ATP10A: variants seen among roughly 807,000 people sequenced by gnomAD.
ATP10A encodes ATPase phospholipid transporting 10A (putative).
ATP10A carries 111 observed loss-of-function variants against 147.8 expected under a neutral mutation model. The observed-to-expected ratio is 0.75, with a 90% CI of 0.64 to 0.88. The LOEUF (loss-of-function observed/expected upper bound fraction) is 0.88. Among genes scored for constraint, ATP10A ranks in the 40% least tolerant of loss-of-function variants. ATP10A has a pLI of 0.00. For missense variants in ATP10A, 1,927 were observed against 1,959.0 expected (o/e 0.98, Z 0.31); for synonymous variants, 875 against 841.6 (o/e 1.04, Z -0.69).
At chr15:25,748,666 T>C (rs1355916260) in intron 2 of ATP10A, among the ~76,000 whole-genome samples, 2 of 151,660 alleles carry the variant, frequency 1.3e-5, no homozygotes, top group East Asian at 1.9e-4. Flanking sequence ...AAAAAAAAAG[T>C]ATAATGACTA....
At chr15:25,852,805 C>T (rs1256387687) in intron 1 of ATP10A, among the ~76,000 whole-genome samples, 1 of 152,200 alleles carries the variant, frequency 6.6e-6, no homozygotes, top group Non-Finnish European at 1.5e-5. Flanking sequence ...ATCATCCCCA[C>T]TTCCCATCTC....
Position 25,716,817 on chromosome 15 carries a change from A to C in ATP10A, c.1689T>G (p.Pro563=), listed in dbSNP as rs10873607. 4 of 1,610,948 alleles carry C rather than the reference A, an allele frequency of 2.5e-6. No homozygotes were observed. The highest frequency in any genetic ancestry group is 2.7e-5 in the African/African-American group (2 of 74,846). Reference sequence around the variant, plus strand: ...AGAAATCAAAGACGTCAGACAGCTCAGGCGAGAGGTGGGCCAGCAGGTGCT... The same window carrying C: ...AGAAATCAAAGACGTCAGACAGCTCCGGCGAGAGGTGGGCCAGCAGGTGCT... ...HQEHLLAHLS[P]ELSDVFDFFI... is the part of the protein sequence containing the mutation. Residue 563 remains proline (P), a synonymous_variant, in exon 9 of 21, where the codon CCT becomes CCG. Coordinates refer to ENST00000555815, the MANE Select transcript of ATP10A (RefSeq NM_024490.4).
chr15:25,787,705 A>T (rs898695026), intron 1 of ATP10A, among the ~76,000 whole-genome samples: 5 of 152,126 alleles, frequency 3.3e-5, no homozygotes, highest in African/African-American at 1.2e-4. Flanking sequence ...CCAGTGTTTG[A>T]CACAGACATG....
chr15:25,756,148 G>T (rs1278312623), intron 2 of ATP10A, among the ~76,000 whole-genome samples: 1 of 152,108 alleles, frequency 6.6e-6, no homozygotes, highest in Non-Finnish European at 1.5e-5. Flanking sequence ...GCAAATTTAG[G>T]GTTCCTAGCT....
At chr15:25,785,373 T>A (rs1433314424) in intron 1 of ATP10A, among the ~76,000 whole-genome samples, 1 of 152,152 alleles carries the variant, frequency 6.6e-6, no homozygotes, top group Non-Finnish European at 1.5e-5. Context: ...GGGAGGGGCC[T>A]CAGGAGGACC....
At chr15:25,812,092 G>T (rs1377815515) in intron 1 of ATP10A, among the ~76,000 whole-genome samples, 2 of 152,230 alleles carry the variant, frequency 1.3e-5, no homozygotes, top group Non-Finnish European at 2.9e-5. Context: ...TAGCGGCAAA[G>T]ATGGCAGCCA....
chr15:25,680,306 G>T lies in ATP10A; in HGVS notation c.3681C>A (p.Thr1227=), dbSNP rs148416506. 11 of 1,613,484 alleles carry T rather than the reference G, an allele frequency of 6.8e-6. No individual in the cohort carries two copies. Among genetic ancestry groups the T allele is most frequent in the Admixed American group, 1.7e-5 (1 of 59,920 alleles). Residue 1227 remains threonine (T), a splice_region_variant and synonymous_variant, in exon 20 of 21, where the codon ACC becomes ACA. Transcript: ENST00000555815. Reference sequence around the variant, plus strand: ...AGCCACACGTTATCCAGTTGAGCCAGGTCTGAGGGGGAATGAGAAAGAAAG... The same window carrying T: ...AGCCACACGTTATCCAGTTGAGCCATGTCTGAGGGGGAATGAGAAAGAAAG... The part of the protein sequence containing the change: ...LHLGIETKTW[T]WLNWITCGFS...
intron 15 of ATP10A, among the ~76,000 whole-genome samples, chr15:25,690,443 A>G (rs910835598): frequency 1.3e-5 from 2 of 152,048 alleles, no homozygotes. Context: ...GTTTCACCAC[A>G]TTGCCCCGCT....
intron 17 of ATP10A, 148 bp downstream of exon 17, chr15:25,683,138 T>C: frequency 2.6e-6 from 2 of 756,514 alleles, no homozygotes; most frequent in Non-Finnish European, 4.2e-6. Flanking sequence ...GCAGCCCTTT[T>C]TCTCCATCCT....
At chr15:25,863,885 C>T (rs1893888853), upstream of ATP10A, among the ~76,000 whole-genome samples, 1 of 152,246 alleles carries the variant, frequency 6.6e-6, no homozygotes, top group Non-Finnish European at 1.5e-5. Context: ...TAGACCGTTT[C>T]CTTTCCACCA....
At chr15:25,731,173 G>A (rs143111557) in intron 3 of ATP10A, among the ~76,000 whole-genome samples, 61 of 152,328 alleles carry the variant, frequency 4.0e-4, no homozygotes, top group Admixed American at 1.8e-3. Context: ...GGCCCTATGC[G>A]GTTGTAGGAG....
intron 2 of ATP10A, among the ~76,000 whole-genome samples, chr15:25,770,155 G>A (rs1446531336): frequency 1.3e-5 from 2 of 151,048 alleles, no homozygotes; most frequent in African/African-American, 2.5e-5. Flanking sequence ...CGACCCGGGC[G>A]AGGTGGGGAG....
At chr15:25,769,799 C>T (rs1156459753) in intron 2 of ATP10A, among the ~76,000 whole-genome samples, 1 of 152,160 alleles carries the variant, frequency 6.6e-6, no homozygotes, top group African/African-American at 2.4e-5. Flanking sequence ...TCTACCTTCC[C>T]CAGATTCATG....
chr15:25,824,808 A>G (rs1345550510), intron 1 of ATP10A, among the ~76,000 whole-genome samples: 7 of 152,194 alleles, frequency 4.6e-5, no homozygotes, highest in Non-Finnish European at 2.9e-5. Flanking sequence ...TGAGCTTTGT[A>G]GCGTTTTACG....
chr15:25,680,280 A>G lies in ATP10A; in HGVS notation c.3707T>C (p.Phe1236Ser). 6.2e-7 allele frequency: 1 copy of G among 1,614,242 alleles called. No individual in the cohort carries two copies. The highest frequency in any genetic ancestry group is 8.5e-7 in the Non-Finnish European group (1 of 1,180,040). ...WTWLNWITCGFSVLLFFTVAL... is the reference protein window; with the variant it reads ...WTWLNWITCGSSVLLFFTVAL... ...CACGGTGAAAAACAAAAGGACACTG[A>G]AGCCACACGTTATCCAGTTGAGCCA... The change falls in exon 20 of 21, where the codon TTC becomes TCC. Residue 1236 changes from phenylalanine (F) to serine (S), a missense_variant. Physicochemically the swap from Phe to Ser is radical, Grantham distance 155 (BLOSUM62 -2). Coordinates refer to ENST00000555815, the MANE Select transcript of ATP10A (RefSeq NM_024490.4).
chr15:25,799,537 G>A (rs1281595374), intron 1 of ATP10A, among the ~76,000 whole-genome samples: 2 of 152,104 alleles, frequency 1.3e-5, no homozygotes, highest in African/African-American at 4.8e-5. Flanking sequence ...AAAAAACAAA[G>A]TTAAACTAAA....
rs201493726 is a variant in ATP10A, at chr15:25,695,003, G to A, written c.2904C>T (p.Arg968=). 1.2e-6 allele frequency: 2 copies of A among 1,614,104 alleles called. No individual in the cohort carries two copies. Among genetic ancestry groups the A allele is most frequent in the Non-Finnish European group, 1.7e-6 (2 of 1,180,046 alleles). Residue 968 remains arginine, a synonymous_variant, in exon 14 of 21, where the codon CGC becomes CGT. Coordinates refer to ENST00000555815, the MANE Select transcript of ATP10A (RefSeq NM_024490.4). The stretch of plus-strand genomic sequence containing the variant: ...TCCCATCGATCACGAGGCTGGGTCT[G>A]CGGCCAGAGGCAGTGGACGTGGAGG... ...CPPSTSTASG[R]RPSLVIDGRS...
chr15:25,755,203 GAAAATTTCCT>G (rs1177382239), intron 2 of ATP10A, among the ~76,000 whole-genome samples: 1 of 152,094 alleles, frequency 6.6e-6, no homozygotes, highest in Non-Finnish European at 1.5e-5. Flanking sequence ...GCCATAGTTC[GAAAATTTCCT>G]AAACCTAGGA....
chr15:25,694,763 T>C, intron 14 of ATP10A, 56 bp downstream of exon 14: 1 of 1,459,182 alleles, frequency 6.9e-7, no homozygotes, highest in Non-Finnish European at 9.3e-7. Context: ...CATGGAAGGG[T>C]AGAGGAAGTT....
Sources: gnomAD v4.1 joint callset for allele counts (sites outside exome capture counted in the v4.1 genomes callset) on GRCh38, gnomAD v4.1.1 for gene constraint, MANE v1.5 for transcripts, NCBI Gene and HGNC (gene_info 2026-07-23, HGNC 2026-07-21) for gene names.